Variants in CDH10 observed in about 807,000 individuals in gnomAD.
The protein encoded by CDH10 is cadherin 10, also known as cadherin-10.
Under a neutral mutation model 73.1 loss-of-function variants are expected in CDH10, and 30 were observed. That is an observed-to-expected ratio of 0.41 (90% CI 0.31 to 0.56). The LOEUF (loss-of-function observed/expected upper bound fraction) is 0.56. CDH10 is among the 20% of genes least tolerant of loss of function. The pLI, the probability that CDH10 is intolerant of heterozygous loss-of-function variation, is 0.27. For synonymous variants in CDH10, 345 were observed against 348.2 expected, an observed-to-expected ratio of 0.99 and a Z score of 0.10; for missense variants, 815 against 973.7, an observed-to-expected ratio of 0.84 and a Z score of 2.17.
intron 2 of CDH10, among the ~76,000 whole-genome samples, chr5:24,574,195 A>G (rs1328517725): frequency 6.6e-6 from 1 of 152,074 alleles, no homozygotes; most frequent in Non-Finnish European, 1.5e-5. Flanking sequence ...CTATCATAGT[A>G]TATTAACTTG....
intron 1 of CDH10, among the ~76,000 whole-genome samples, chr5:24,622,035 ACGT>A (rs1228485249): frequency 6.6e-6 from 1 of 152,196 alleles, no homozygotes; most frequent in Non-Finnish European, 1.5e-5. Flanking sequence ...AGCTCTTGCA[ACGT>A]CTTTGGCTTT....
chr5:24,497,329 A>G (rs1340787114), intron 9 of CDH10, among the ~76,000 whole-genome samples: 1 of 151,980 alleles, frequency 6.6e-6, no homozygotes, highest in African/African-American at 2.4e-5. Context: ...TTCAGCTTAT[A>G]TCATGCTGAG....
intron 9 of CDH10, among the ~76,000 whole-genome samples, chr5:24,493,154 A>C (rs1222729510): frequency 6.6e-6 from 1 of 151,974 alleles, no homozygotes; most frequent in Non-Finnish European, 1.5e-5. Flanking sequence ...AATGGTAAAT[A>C]AAAAATATAT....
intron 2 of CDH10, among the ~76,000 whole-genome samples, chr5:24,544,468 C>T (rs1744268601): frequency 6.6e-6 from 1 of 152,172 alleles, no homozygotes; most frequent in Non-Finnish European, 1.5e-5. Flanking sequence ...GATGGGTGGG[C>T]ACATATAGCT....
intron 1 of CDH10, among the ~76,000 whole-genome samples, chr5:24,642,815 TC>T (rs1384285163): frequency 1.3e-5 from 2 of 152,006 alleles, no homozygotes; most frequent in African/African-American, 2.4e-5. Context: ...TTGTTTTTTT[TC>T]CCCCAAACCT....
intron 5 of CDH10, among the ~76,000 whole-genome samples, chr5:24,515,749 C>T (rs1311343693): frequency 6.6e-6 from 1 of 152,062 alleles, no homozygotes; most frequent in Non-Finnish European, 1.5e-5. Flanking sequence ...GTGTCCCTGC[C>T]CAAATCTCAT....
At chr5:24,597,722 T>C (rs1746420470) in intron 1 of CDH10, among the ~76,000 whole-genome samples, 1 of 152,042 alleles carries the variant, frequency 6.6e-6, no homozygotes, top group Non-Finnish European at 1.5e-5. Flanking sequence ...AAATATTATT[T>C]TCTCTATAAC....
chr5:24,637,339 T>A (rs920618702), intron 1 of CDH10, among the ~76,000 whole-genome samples: 2 of 151,946 alleles, frequency 1.3e-5, no homozygotes, highest in Non-Finnish European at 2.9e-5. Context: ...GCAGTATATC[T>A]AATGGAAGAT....
chr5:24,593,193 T>G, intron 2 of CDH10, 67 bp downstream of exon 2: 1 of 887,980 alleles, frequency 1.1e-6, no homozygotes, highest in Non-Finnish European at 1.8e-6. Flanking sequence ...TTGATGACCT[T>G]CAAATTTTCA....
chr5:24,603,029 G>C (rs1210520926), intron 1 of CDH10, among the ~76,000 whole-genome samples: 1 of 152,048 alleles, frequency 6.6e-6, no homozygotes, highest in African/African-American at 2.4e-5. Flanking sequence ...CAGTGGCTTT[G>C]TCTGATAATG....
At position 24,593,467 on chromosome 5, in the gene CDH10, T is replaced by G; in HGVS notation, c.24A>C (p.Leu8=). The G allele has an allele frequency of 6.3e-7, 1 of 1,599,888 alleles. No homozygotes were observed. The highest frequency in any genetic ancestry group is 8.6e-7 in the Non-Finnish European group (1 of 1,167,414). ...GCAGGCATACCCAGAATAGAAACAG[T>G]AGCAAAAATTGATGTATTGTCATAG... MTIHQFL[L]LFLFWVCLPH... Residue 8 remains leucine, a synonymous_variant, in exon 2 of 12, where the codon CTA becomes CTC. Coordinates refer to ENST00000264463, the MANE Select transcript of CDH10 (RefSeq NM_006727.5).
intron 2 of CDH10, among the ~76,000 whole-genome samples, chr5:24,569,748 T>C (rs535975709): frequency 6.6e-6 from 1 of 151,990 alleles, no homozygotes; most frequent in African/African-American, 2.4e-5. Context: ...TGTGAATCTT[T>C]ATGTGAACAA....
At chr5:24,588,786 A>G (rs1212000104) in intron 2 of CDH10, among the ~76,000 whole-genome samples, 6 of 152,206 alleles carry the variant, frequency 3.9e-5, no homozygotes, top group Non-Finnish European at 7.3e-5. Flanking sequence ...GAAATTTTCA[A>G]TTATAATTTC....
At chr5:24,601,132 T>C (rs564508631) in intron 1 of CDH10, among the ~76,000 whole-genome samples, 1 of 152,302 alleles carries the variant, frequency 6.6e-6, no homozygotes, top group Non-Finnish European at 1.5e-5. Flanking sequence ...ATCATTTTCA[T>C]GGGCCTCCAA....
intron 2 of CDH10, among the ~76,000 whole-genome samples, chr5:24,548,185 T>G (rs1489333258): frequency 6.6e-6 from 1 of 152,018 alleles, no homozygotes; most frequent in Non-Finnish European, 1.5e-5. Flanking sequence ...TGGAGTGCAG[T>G]GGCGTGATTT....
chr5:24,617,191 A>G (rs1054083097), intron 1 of CDH10, among the ~76,000 whole-genome samples: 1 of 152,044 alleles, frequency 6.6e-6, no homozygotes, highest in Non-Finnish European at 1.5e-5. Flanking sequence ...GGTTAGCAGC[A>G]TCCCCAGCCT....
intron 8 of CDH10, among the ~76,000 whole-genome samples, 196 bp from the exon 9 acceptor site, chr5:24,498,715 G>A (rs868151002): frequency 3.6e-4 from 55 of 152,040 alleles, no homozygotes; most frequent in African/African-American, 1.0e-3. Flanking sequence ...GTTATTATTG[G>A]GCACAAGGGT....
chr5:24,491,705 T>A lies in CDH10; in HGVS notation c.1747A>T (p.Thr583Ser), dbSNP rs2111639255. Residue 583 changes from threonine (T) to serine (S), a missense_variant, in exon 11 of 12, where the codon ACC becomes TCC. Physicochemically the swap from Thr to Ser is moderately conservative, Grantham distance 58. This residue lies in a region of CDH10 where 516 missense variants were observed against 636.6 expected (regional missense o/e 0.81). Coordinates refer to ENST00000264463, the MANE Select transcript of CDH10 (RefSeq NM_006727.5). ...CTGTCACAAGCACACACTCGAATGGTCAGTGTGCCTGTGCTGCTCTGAATT... is the reference window on the plus strand; with the variant it reads ...CTGTCACAAGCACACACTCGAATGGACAGTGTGCCTGTGCTGCTCTGAATT... ...YPIQSSTGTL[T>S]IRVCACDSQG... 6.2e-7 allele frequency: 1 copy of A among 1,613,846 alleles called. No individual in the cohort carries two copies. The highest frequency in any genetic ancestry group is 8.5e-7 in the Non-Finnish European group (1 of 1,179,812).
At chr5:24,550,748 G>A (rs919451496) in intron 2 of CDH10, among the ~76,000 whole-genome samples, 2 of 152,032 alleles carry the variant, frequency 1.3e-5, no homozygotes, top group Admixed American at 6.6e-5. Flanking sequence ...TGATAATCAA[G>A]CCAATTTTTC....
Sources: allele counts gnomAD v4.1 joint callset (sites outside exome capture counted in the v4.1 genomes callset), GRCh38; gene constraint gnomAD v4.1.1; regional missense constraint gnomAD v4.1.1; transcripts MANE v1.5; gene names NCBI Gene and HGNC (gene_info 2026-07-23, HGNC 2026-07-21).